Variants in CDHR3 observed in about 807,000 individuals in gnomAD.
CDHR3 encodes cadherin related family member 3.
A neutral mutation model predicts 86.6 loss-of-function variants in CDHR3; 79 were observed. The observed-to-expected ratio is 0.91, with a 90% CI of 0.76 to 1.10. CDHR3 has a LOEUF of 1.10. Among genes scored for constraint, CDHR3 ranks in the 50% least tolerant of loss-of-function variants. The probability of loss-of-function intolerance (pLI) is 0.00; values close to 1 mark genes in which losing one functional copy is unlikely to be tolerated. For synonymous variants in CDHR3, 421 were observed against 402.4 expected (o/e 1.05, Z -0.55); for missense variants, 1,081 against 1,077.6 (o/e 1.00, Z -0.04).
chr7:106,032,731 G>A lies in CDHR3; in HGVS notation c.*34G>A. ...TAAGGAGGGGCCTGTCAATCACTGAGATGCTGCCTCACCCTAAATTCTATG... is the reference window on the plus strand; with the variant it reads ...TAAGGAGGGGCCTGTCAATCACTGAAATGCTGCCTCACCCTAAATTCTATG... On this transcript the variant is annotated 3_prime_UTR_variant, in exon 19 of 19. Transcript: ENST00000317716. 1 of 1,571,542 alleles carries A rather than the reference G, an allele frequency of 6.4e-7. No individual in the cohort carries two copies. Among genetic ancestry groups the A allele is most frequent in the Admixed American group, 1.8e-5 (1 of 55,800 alleles).
chr7:106,004,800 AG>A, intron 8 of CDHR3, 113 bp downstream of exon 8: 3 of 1,015,330 alleles, frequency 3.0e-6, no homozygotes, highest in Non-Finnish European at 4.5e-6. Flanking sequence ...GAAACAGCTC[AG>A]TAGAATAAAT....
intron 12 of CDHR3, among the ~76,000 whole-genome samples, chr7:106,019,757 C>T (rs1054917690): frequency 3.3e-5 from 5 of 152,196 alleles, no homozygotes; most frequent in African/African-American, 7.2e-5. Flanking sequence ...ACCAGGCCTG[C>T]TTGTTCTGTC....
chr7:106,023,112 T>C (rs915748639), intron 14 of CDHR3, among the ~76,000 whole-genome samples: 1 of 152,142 alleles, frequency 6.6e-6, no homozygotes, highest in South Asian at 2.1e-4. Flanking sequence ...TGGTTGGAAA[T>C]GCAAATTCTC....
chr7:106,006,146 A>C (rs930460593), intron 8 of CDHR3, among the ~76,000 whole-genome samples: 1 of 151,700 alleles, frequency 6.6e-6, no homozygotes, highest in Non-Finnish European at 1.5e-5. Flanking sequence ...ATCAGATCTC[A>C]TGAGACTTAG....
chr7:105,974,510 T>C (rs1034573174), intron 1 of CDHR3, among the ~76,000 whole-genome samples: 42 of 111,938 alleles, frequency 3.8e-4, no homozygotes, highest in African/African-American at 1.1e-3. Flanking sequence ...GGCGGATGTC[T>C]GTCTCCTAAG....
Position 106,030,654 on chromosome 7 carries a change from C to A in CDHR3, c.2305-138C>A. 1.4e-6 allele frequency: 1 copy of A among 722,396 alleles called. No individual in the cohort carries two copies. Among genetic ancestry groups the A allele is most frequent in the South Asian group, 1.7e-5 (1 of 58,220 alleles). 44.7% of individuals were successfully genotyped at this position (722,396 alleles called of 1,614,324 possible). On this transcript the variant is annotated intron_variant, in intron 17 of 18. Coordinates refer to ENST00000317716, the MANE Select transcript of CDHR3 (RefSeq NM_152750.5). The surrounding 1 kb of genome is among the most constrained non-coding windows in gnomAD (Gnocchi z 4.8). ...GCCTTGTTCATCACTGTGTCCCCTG[C>A]ATCTATCACAGTGCCTAATTAAAGA...
intron 16 of CDHR3, among the ~76,000 whole-genome samples, chr7:106,027,473 T>A (rs999410477): frequency 2.0e-5 from 3 of 151,656 alleles, no homozygotes; most frequent in African/African-American, 7.3e-5. Flanking sequence ...ATTATTTAGG[T>A]TAGACTAGTG....
At chr7:106,018,447 G>T (rs1836002636) in intron 12 of CDHR3, among the ~76,000 whole-genome samples, 2 of 152,090 alleles carry the variant, frequency 1.3e-5, no homozygotes, top group Admixed American at 6.5e-5. Context: ...TGTTGGCCAG[G>T]CTGGTCTCGA....
rs1833971095 is a variant in CDHR3 at position 106,006,558 on chromosome 7, T to G, written c.1052+1871T>G. On this transcript the variant is annotated intron_variant, in intron 8 of 18. Coordinates refer to ENST00000317716, the MANE Select transcript of CDHR3 (RefSeq NM_152750.5). ...CAAAATGCAGGTGCTACAGGCCCCATGCAAGTCTGAAATCCAGCAGGGTAG... is the reference window on the plus strand; with the variant it reads ...CAAAATGCAGGTGCTACAGGCCCCAGGCAAGTCTGAAATCCAGCAGGGTAG... Among the ~76,000 whole-genome samples the G allele has an allele frequency of 2.0e-5, 3 of 152,212 alleles. No individual in the cohort carries two copies. In the South Asian group the frequency reaches 6.2e-4, roughly 31 times the overall value.
intron 4 of CDHR3, among the ~76,000 whole-genome samples, chr7:105,992,223 TA>T (rs1831464210): frequency 6.6e-6 from 1 of 152,196 alleles, no homozygotes; most frequent in African/African-American, 2.4e-5. Flanking sequence ...ATCCAGCTCC[TA>T]GAGCATTTCA....
intron 11 of CDHR3, among the ~76,000 whole-genome samples, chr7:106,017,267 G>T (rs961528620): frequency 6.6e-6 from 1 of 152,028 alleles, no homozygotes; most frequent in African/African-American, 2.4e-5. Flanking sequence ...CTATATAAAG[G>T]CATAAATTGC....
In CDHR3 at chr7:106,028,928, C is replaced by CTTTCTTTCTTTT. The variant is rs1554532710; in HGVS notation, c.2304+357_2304+358insTTTTCTTTCTTT. Among the ~76,000 whole-genome samples the CTTTCTTTCTTTT allele has an allele frequency of 2.9e-3, 314 of 109,910 alleles. 7 individuals are homozygous for CTTTCTTTCTTTT. Among genetic ancestry groups the CTTTCTTTCTTTT allele is most frequent in the African/African-American group, 0.01 (274 of 26,766 alleles). 72.1% of individuals were successfully genotyped at this position (109,910 alleles called of 152,430 possible). On this transcript the variant is annotated intron_variant, in intron 17 of 18. Transcript: ENST00000317716. The stretch of plus-strand genomic sequence containing the variant: ...AGTGAGATTTAAATTTTCTTTCTTT[C>CTTTCTTTCTTTT]TTTCTTTCTTTCTTTCTTTCTTTCT...
intron 7 of CDHR3, among the ~76,000 whole-genome samples, chr7:106,001,855 T>C (rs1833238931): frequency 6.6e-6 from 1 of 152,212 alleles, no homozygotes. Context: ...ATGTAGATAG[T>C]TGTTGTATTG....
At chr7:106,024,311 C>A in intron 14 of CDHR3, 70 bp from the exon 15 acceptor site, 2 of 1,364,260 alleles carry the variant, frequency 1.5e-6, no homozygotes, top group African/African-American at 1.4e-5. Flanking sequence ...AAACACTCAA[C>A]ACGAGAGAGT....
Position 106,015,116 on chromosome 7 carries a change from T to C in CDHR3, c.1230T>C (p.Ile410=), listed in dbSNP as rs1346099466. The change falls in exon 10 of 19, where the codon ATT becomes ATC. Residue 410 remains isoleucine (I), a synonymous_variant. Transcript: ENST00000317716. The part of the protein sequence containing the change: ...DPAGSGKIVL[I]GDLDYENPSN... ...CTATCTCTGTTTTAATCTAGCTGAT[T>C]GGTGATCTAGACTACGAAAATCCAA... is the stretch of plus-strand genomic sequence containing the variant. 1.2e-6 allele frequency: 2 copies of C among 1,603,602 alleles called. No homozygotes were observed. The highest frequency in any genetic ancestry group is 1.7e-6 in the Non-Finnish European group (2 of 1,174,374).
At chr7:106,025,997 G>A (rs1837295992) in intron 15 of CDHR3, among the ~76,000 whole-genome samples, 1 of 152,114 alleles carries the variant, frequency 6.6e-6, no homozygotes, top group African/African-American at 2.4e-5. Context: ...TGTAATTTAT[G>A]GCTAAACGTT....
At chr7:105,998,870 C>T (rs1832686339) in intron 6 of CDHR3, among the ~76,000 whole-genome samples, 1 of 152,098 alleles carries the variant, frequency 6.6e-6, no homozygotes, top group Non-Finnish European at 1.5e-5. Context: ...TGTGTGTGCA[C>T]AGCACTTTAT....
At chr7:105,994,154 T>C (rs1831822325) in intron 4 of CDHR3, among the ~76,000 whole-genome samples, 1 of 152,198 alleles carries the variant, frequency 6.6e-6, no homozygotes, top group South Asian at 2.1e-4. Flanking sequence ...CCCTGCTATA[T>C]TGTAAGTTGT....
At chr7:106,003,226 C>T (rs1253534789) in intron 7 of CDHR3, among the ~76,000 whole-genome samples, 1 of 151,424 alleles carries the variant, frequency 6.6e-6, no homozygotes, top group Non-Finnish European at 1.5e-5. Context: ...TTTGTACTTA[C>T]AGTACATCTC....
Sources: allele counts gnomAD v4.1 joint callset (sites outside exome capture counted in the v4.1 genomes callset), GRCh38; gene constraint gnomAD v4.1.1; non-coding constraint Gnocchi (gnomAD v3.1); transcripts MANE v1.5; gene names NCBI Gene and HGNC (gene_info 2026-07-23, HGNC 2026-07-21).